Variants in HOTAIR observed in about 807,000 individuals in gnomAD.
HOTAIR encodes the protein HOX transcript antisense RNA.
At chr12:53,964,065 T>G (rs1260288344) in exon 7 of HOTAIR, 2 of 152,256 alleles carry the variant, frequency 1.3e-5, no homozygotes, top group Non-Finnish European at 2.9e-5. Context: ...CCTCTGGCTC[T>G]CTCTCTAGCT....
chr12:53,974,419 C>A (rs1022711498), intron 1 of HOTAIR, among the ~76,000 whole-genome samples: 1 of 151,890 alleles, frequency 6.6e-6, no homozygotes, highest in African/African-American at 2.4e-5. Context: ...AACCTGAGAC[C>A]GGAGAGGCAA....
intron 1 of HOTAIR, among the ~76,000 whole-genome samples, chr12:53,974,578 G>T (rs1180398443): frequency 6.6e-6 from 1 of 152,148 alleles, no homozygotes; most frequent in Non-Finnish European, 1.5e-5. Context: ...CTGCGTTCCA[G>T]GCGGGGGTCT....
chr12:53,974,911 C>T, exon 1 of HOTAIR: 2 of 430,076 alleles, frequency 4.7e-6, no homozygotes, highest in Non-Finnish European at 8.2e-6. Flanking sequence ...GAGGGCTTTC[C>T]TTCTGTCCCA....
chr12:53,972,797 T>C (rs1939169336), intron 1 of HOTAIR, among the ~76,000 whole-genome samples: 2 of 151,924 alleles, frequency 1.3e-5, no homozygotes. Context: ...CCCCCATACA[T>C]GAGAGCCCTC....
At chr12:53,972,775 G>C (rs1179899718) in intron 1 of HOTAIR, among the ~76,000 whole-genome samples, 2 of 152,130 alleles carry the variant, frequency 1.3e-5, no homozygotes, top group Non-Finnish European at 2.9e-5. Context: ...TGCTCACAGA[G>C]AGGAGGCAAG....
At chr12:53,964,155 G>A (rs1459925255) in intron 6 of HOTAIR, 1 of 151,940 alleles carries the variant, frequency 6.6e-6, no homozygotes, top group Non-Finnish European at 1.5e-5. Context: ...ATGCCCCCTG[G>A]TTATCTCTTG....
At chr12:53,970,159 C>T (rs1251198414) in intron 1 of HOTAIR, among the ~76,000 whole-genome samples, 11 of 152,194 alleles carry the variant, frequency 7.2e-5, no homozygotes, top group Admixed American at 2.6e-4. Context: ...TGGGGAGGGC[C>T]GGATGGCCCT....
At chr12:53,969,874 G>A (rs894496763) in intron 1 of HOTAIR, among the ~76,000 whole-genome samples, 4 of 152,194 alleles carry the variant, frequency 2.6e-5, no homozygotes, top group African/African-American at 9.7e-5. Flanking sequence ...TCCCTACCAC[G>A]ATCTGCTCTC....
intron 1 of HOTAIR, among the ~76,000 whole-genome samples, chr12:53,969,072 C>T (rs1297430601): frequency 6.6e-6 from 1 of 152,214 alleles, no homozygotes; most frequent in African/African-American, 2.4e-5. Flanking sequence ...GGGCTCCGGC[C>T]AACCCGCCTC....
chr12:53,973,891 TGGCCAAGGAGCC>T lies in HOTAIR; in HGVS notation n.59+995_59+1006del. On this transcript the variant is annotated intron_variant and non_coding_transcript_variant, in intron 1 of 6. Coordinates refer to ENST00000424518, the Ensembl canonical transcript of HOTAIR. This position sits in a 1 kb window ranked among gnomAD's most constrained non-coding sequence, Gnocchi z 4.3. The stretch of plus-strand genomic sequence containing the variant: ...AGCTCGTCCGGTTCAGCCCACTCCG[TGGCCAAGGAGCC>T]GGCCAAAGGAGCCGCCCCCAGTAGG... 1 of 1,447,726 alleles carries T rather than the reference TGGCCAAGGAGCC, an allele frequency of 6.9e-7. No homozygotes were observed. The highest frequency in any genetic ancestry group is 9.1e-7 in the Non-Finnish European group (1 of 1,099,200). The allele number at this position is 1,447,726 out of a possible 1,614,324, so 89.7% of individuals were successfully genotyped here.
intron 1 of HOTAIR, among the ~76,000 whole-genome samples, chr12:53,969,131 A>G (rs73313156): frequency 0.077 from 11,780 of 152,272 alleles, 1,118 homozygotes; most frequent in African/African-American, 0.22. Flanking sequence ...GGGCAATCCC[A>G]CCCAGAAAAG....
chr12:53,969,716 C>A (rs59401284), intron 1 of HOTAIR, among the ~76,000 whole-genome samples: 11,744 of 152,244 alleles, frequency 0.077, 1,109 homozygotes, highest in African/African-American at 0.22. Flanking sequence ...CAAACGAGAG[C>A]GTCCATGTGT....
At position 53,969,612 on chromosome 12, in the gene HOTAIR, T is replaced by C. The variant is rs527380886; in HGVS notation, n.60-856A>G. ...TCCCAAAGCATACTAAAGGGATTAT[T>C]GCAGGCAGTGATATTACTGTAAGGG... On this transcript the variant is annotated intron_variant and non_coding_transcript_variant, in intron 1 of 6. Coordinates refer to ENST00000424518, the Ensembl canonical transcript of HOTAIR. Among the ~76,000 whole-genome samples, 18 of 152,330 alleles carry C rather than the reference T, an allele frequency of 1.2e-4. No homozygotes were observed. In the South Asian group the frequency reaches 3.7e-3, roughly 32 times the overall value.
intron 2 of HOTAIR, chr12:53,968,418 T>C (rs1001149009): frequency 6.6e-6 from 1 of 152,228 alleles, no homozygotes; most frequent in Non-Finnish European, 1.5e-5. Context: ...GATGGCTGTT[T>C]ATGACAACGA....
chr12:53,973,640 C>A lies in HOTAIR; in HGVS notation n.59+1258G>T. On this transcript the variant is annotated intron_variant and non_coding_transcript_variant, in intron 1 of 6. Transcript: ENST00000424518. This position sits in a 1 kb window ranked among gnomAD's most constrained non-coding sequence, Gnocchi z 4.3. Reference sequence around the variant, plus strand: ...ACCACCCCAGCGCCCCGCACGCAACCCCCGCCGGCTTCTACTCCTCAGTCA... The same window carrying A: ...ACCACCCCAGCGCCCCGCACGCAACACCCGCCGGCTTCTACTCCTCAGTCA... 2.5e-6 allele frequency: 4 copies of A among 1,613,794 alleles called. No individual in the cohort carries two copies. The highest frequency in any genetic ancestry group is 2.5e-6 in the Non-Finnish European group (3 of 1,180,020).
exon 6 of HOTAIR, chr12:53,964,281 A>C (rs537377655): frequency 3.3e-5 from 5 of 152,272 alleles, no homozygotes; most frequent in African/African-American, 1.2e-4. Context: ...GCCAATGTGC[A>C]TACTTAACGG....
At chr12:53,962,411 A>G (rs370220472) in exon 7 of HOTAIR, 1 of 152,264 alleles carries the variant, frequency 6.6e-6, no homozygotes, top group Non-Finnish European at 1.5e-5. Flanking sequence ...ACATGTGAGT[A>G]TATACTCCAT....
At chr12:53,967,495 G>A (rs931140045) in intron 2 of HOTAIR, 1 of 152,210 alleles carries the variant, frequency 6.6e-6, no homozygotes, top group Non-Finnish European at 1.5e-5. Context: ...AAGATCTAAG[G>A]TGATAAGTGT....
At chr12:53,974,677 GC>G (rs1939221050) in intron 1 of HOTAIR, among the ~76,000 whole-genome samples, 1 of 151,404 alleles carries the variant, frequency 6.6e-6, no homozygotes, top group South Asian at 2.1e-4. Flanking sequence ...GGGCGCCAGG[GC>G]CCCGGAAGCG....
Sources: gnomAD v4.1 joint callset for allele counts (sites outside exome capture counted in the v4.1 genomes callset) on GRCh38, gnomAD v4.1.1 for gene constraint, Gnocchi (gnomAD v3.1) non-coding constraint, MANE v1.5 for transcripts, NCBI Gene and HGNC (gene_info 2026-07-23, HGNC 2026-07-21) for gene names.